Variants in GPR39 observed in about 807,000 individuals in gnomAD.
GPR39 encodes the protein G protein-coupled receptor 39, also known as zinc sensing receptor.
Under a neutral mutation model 18.4 loss-of-function variants are expected in GPR39, and 23 were observed. The ratio of observed to expected loss-of-function variants is 1.25; its 90% CI spans 0.90 to 1.77. The LOEUF (loss-of-function observed/expected upper bound fraction) is 1.77, where lower values mean the gene tolerates loss of function less well. GPR39 is among the 40% of genes most tolerant of loss of function. The pLI, the probability that GPR39 is intolerant of heterozygous loss-of-function variation, is 0.00. For missense variants in GPR39, 647 were observed against 602.4 expected (o/e 1.07, Z -0.78); for synonymous variants, 280 against 257.9 (o/e 1.09, Z -0.82).
intron 1 of GPR39, among the ~76,000 whole-genome samples, chr2:132,637,444 G>T (rs1252554507): frequency 6.6e-6 from 1 of 152,206 alleles, no homozygotes; most frequent in Admixed American, 6.5e-5. Context: ...CAAACAGCTG[G>T]AACAAGGATG....
chr2:132,624,733 C>G (rs1329880839), intron 1 of GPR39, among the ~76,000 whole-genome samples: 1 of 152,202 alleles, frequency 6.6e-6, no homozygotes, highest in Non-Finnish European at 1.5e-5. Flanking sequence ...GAGATTTGCT[C>G]ATGTTCTAGG....
chr2:132,581,193 TTTG>T (rs1237531800), intron 1 of GPR39, among the ~76,000 whole-genome samples: 1 of 152,116 alleles, frequency 6.6e-6, no homozygotes, highest in Non-Finnish European at 1.5e-5. Context: ...CGGGCTTTAT[TTTG>T]TTAAATCATT....
intron 1 of GPR39, among the ~76,000 whole-genome samples, chr2:132,563,284 C>A (rs907622105): frequency 6.6e-6 from 1 of 152,244 alleles, no homozygotes; most frequent in African/African-American, 2.4e-5. Flanking sequence ...CCACAGTATT[C>A]TTTCAAGTAT....
chr2:132,639,136 G>A (rs1279221060), intron 1 of GPR39, among the ~76,000 whole-genome samples: 1 of 152,152 alleles, frequency 6.6e-6, no homozygotes, highest in Non-Finnish European at 1.5e-5. Context: ...CCAGGCTGGG[G>A]CCACCTTGTA....
intron 1 of GPR39, among the ~76,000 whole-genome samples, chr2:132,461,769 A>G (rs1010859949): frequency 6.6e-6 from 1 of 152,242 alleles, no homozygotes; most frequent in Non-Finnish European, 1.5e-5. Flanking sequence ...TATTAGTTCA[A>G]TAAGTATCTG....
intron 1 of GPR39, among the ~76,000 whole-genome samples, chr2:132,546,847 A>AG (rs1679959224): frequency 7.8e-6 from 1 of 128,376 alleles, no homozygotes. Context: ...AGCAAAAAAA[A>AG]AAAAAAAAAA....
chr2:132,551,588 T>G (rs1680045274), intron 1 of GPR39, among the ~76,000 whole-genome samples: 1 of 152,222 alleles, frequency 6.6e-6, no homozygotes, highest in South Asian at 2.1e-4. Flanking sequence ...TTCTGTCATC[T>G]CTTTATACCT....
At chr2:132,516,714 A>G (rs1426612586) in intron 1 of GPR39, among the ~76,000 whole-genome samples, 1 of 152,036 alleles carries the variant, frequency 6.6e-6, no homozygotes, top group Non-Finnish European at 1.5e-5. Flanking sequence ...TTACAGCTGG[A>G]ACGCTCTTCC....
At chr2:132,559,221 C>G (rs4954341) in intron 1 of GPR39, among the ~76,000 whole-genome samples, 2 of 151,974 alleles carry the variant, frequency 1.3e-5, no homozygotes, top group Admixed American at 6.5e-5. Context: ...GATCCAGGAT[C>G]GGAACTTTAT....
intron 1 of GPR39, among the ~76,000 whole-genome samples, chr2:132,468,690 C>T (rs1252795165): frequency 6.6e-6 from 1 of 152,168 alleles, no homozygotes; most frequent in Non-Finnish European, 1.5e-5. Flanking sequence ...CTGGCCATAG[C>T]TTACGTGTGC....
In GPR39 at chr2:132,417,326, TCTGGAATC is replaced by T. The variant is rs1679922059; in HGVS notation, c.286_293del (p.Trp96ProfsTer34). 1.9e-6 allele frequency: 3 copies of T among 1,614,090 alleles called. No individual in the cohort carries two copies. Among genetic ancestry groups the T allele is most frequent in the Non-Finnish European group, 2.5e-6 (3 of 1,180,006 alleles). On this transcript the variant is annotated frameshift_variant, in exon 1 of 2. Transcript: ENST00000329321. LOFTEE classifies it high-confidence loss of function. Reference sequence around the variant, plus strand: ...ATGCCCATGGAGTTCTACAGCATCATCTGGAATCCCCTGACCACGTCCAGCTACACCCT... The same window carrying T: ...ATGCCCATGGAGTTCTACAGCATCATCCCTGACCACGTCCAGCTACACCCT...
chr2:132,506,055 A>T (rs4954334), intron 1 of GPR39, among the ~76,000 whole-genome samples: 3 of 151,896 alleles, frequency 2.0e-5, no homozygotes, highest in Non-Finnish European at 4.4e-5. Flanking sequence ...ATCCTTGCCA[A>T]CTCTGTTATT....
intron 1 of GPR39, among the ~76,000 whole-genome samples, chr2:132,507,489 G>T (rs1221110223): frequency 6.6e-6 from 1 of 152,162 alleles, no homozygotes; most frequent in African/African-American, 2.4e-5. Flanking sequence ...ACTTACTAAA[G>T]ATTGAAAAGG....
intron 1 of GPR39, among the ~76,000 whole-genome samples, chr2:132,484,790 G>A (rs1361901721): frequency 2.6e-5 from 4 of 152,196 alleles, no homozygotes; most frequent in African/African-American, 9.7e-5. Context: ...GACATATTTT[G>A]TAGCCTGAGC....
At chr2:132,615,791 G>A (rs941841344) in intron 1 of GPR39, among the ~76,000 whole-genome samples, 1 of 152,164 alleles carries the variant, frequency 6.6e-6, no homozygotes, top group Non-Finnish European at 1.5e-5. Context: ...CAAGACTAGG[G>A]TTAGGCAAGC....
At chr2:132,590,136 TA>T (rs1680802412) in intron 1 of GPR39, among the ~76,000 whole-genome samples, 2 of 152,234 alleles carry the variant, frequency 1.3e-5, no homozygotes, top group Non-Finnish European at 2.9e-5. Context: ...AACTTGATGC[TA>T]TTGAGCAACA....
chr2:132,426,113 C>T (rs1375079603), intron 1 of GPR39, among the ~76,000 whole-genome samples: 1 of 152,210 alleles, frequency 6.6e-6, no homozygotes, highest in African/African-American at 2.4e-5. Flanking sequence ...ACTTCCAAGA[C>T]AGGTTCAATC....
At chr2:132,551,004 A>G (rs2104794639) in intron 1 of GPR39, among the ~76,000 whole-genome samples, 2 of 152,268 alleles carry the variant, frequency 1.3e-5, no homozygotes, top group East Asian at 1.9e-4. Context: ...CTGTTGCAGT[A>G]AGTTTGTTGG....
chr2:132,638,351 C>T (rs975229746), intron 1 of GPR39, among the ~76,000 whole-genome samples: 1 of 152,182 alleles, frequency 6.6e-6, no homozygotes, highest in African/African-American at 2.4e-5. Context: ...AGGGGCTCCA[C>T]CTCAATTTAT....
Sources: allele counts gnomAD v4.1 joint callset (sites outside exome capture counted in the v4.1 genomes callset), GRCh38; gene constraint gnomAD v4.1.1; transcripts MANE v1.5; gene names NCBI Gene and HGNC (gene_info 2026-07-23, HGNC 2026-07-21).